The following ULK1 variants were observed in gnomAD, a reference collection of about 807,000 sequenced individuals.
The protein encoded by ULK1 is unc-51 like autophagy activating kinase 1, also known as serine/threonine-protein kinase ULK1.
A neutral mutation model predicts 117.5 loss-of-function variants in ULK1; 48 were observed. The ratio of observed to expected loss-of-function variants is 0.41; its 90% CI spans 0.32 to 0.52. The LOEUF (loss-of-function observed/expected upper bound fraction) is 0.52, where lower values mean the gene tolerates loss of function less well. ULK1 is among the 20% of genes least tolerant of loss of function. The pLI is 0.29. For missense variants in ULK1, 1,387 were observed against 1,473.4 expected, an observed-to-expected ratio of 0.94 and a Z score of 0.96; for synonymous variants, 790 against 637.8, an observed-to-expected ratio of 1.24 and a Z score of -3.60.
chr12:131,901,907 G>A (rs923162118), intron 3 of ULK1, among the ~76,000 whole-genome samples: 4 of 152,130 alleles, frequency 2.6e-5, no homozygotes, highest in Non-Finnish European at 5.9e-5. Context: ...AACTCGCACT[G>A]GGGTTGTTTC....
In ULK1 at chr12:131,915,021, G is replaced by C. The variant is rs1448677430; in HGVS notation, c.1374-62G>C. The C allele has an allele frequency of 2.7e-6, 4 of 1,505,460 alleles. No homozygotes were observed. The African/African-American group carries it at 5.7e-5, about 21-fold the overall frequency. The allele number at this position is 1,505,460 out of a possible 1,614,324, so 93.3% of individuals were successfully genotyped here. A position where few individuals can be genotyped will look rare whatever the true frequency, so the allele number is the denominator to read the frequency against. ...TACCTGCCTTGTCCCCAGGTCCTCT[G>C]CCGTCCACAGGTCAGGCAGGGCTGC... On this transcript the variant is annotated intron_variant, in intron 16 of 27. Transcript: ENST00000321867.
intron 4 of ULK1, 55 bp from the exon 5 acceptor site, chr12:131,907,440 T>C (rs937494355): frequency 4.4e-6 from 7 of 1,598,982 alleles, no homozygotes; most frequent in East Asian, 4.5e-5. Context: ...TGGGCAGGGC[T>C]GGGAGGTGGG....
At chr12:131,920,889 C>T (rs1346457679) in intron 26 of ULK1, 8 of 661,362 alleles carry the variant, frequency 1.2e-5, no homozygotes, top group Non-Finnish European at 2.0e-5. Flanking sequence ...GCTGAGAGCG[C>T]TGGCCAGGGT....
At chr12:131,914,988 C>T in intron 16 of ULK1, 95 bp from the exon 17 acceptor site, 18 of 1,478,798 alleles carry the variant, frequency 1.2e-5, no homozygotes, top group Non-Finnish European at 1.6e-5. Flanking sequence ...TGGGGCCTCC[C>T]CTCCTAATAC....
rs1890121001 is a variant in ULK1, at chr12:131,920,863, G to A, written c.2962-237G>A. On this transcript the variant is annotated intron_variant, in intron 26 of 27. Coordinates refer to ENST00000321867, the MANE Select transcript of ULK1 (RefSeq NM_003565.4). ...ACACTGACTGAGCGGCGGGCACTCT[G>A]TTGTCCTGGGGCCGGGCTGAGAGCG... is the stretch of plus-strand genomic sequence containing the variant. The A allele has an allele frequency of 7.1e-6, 4 of 565,390 alleles. No individual in the cohort carries two copies. The South Asian group carries it at 1.1e-4, about 16-fold the overall frequency. The allele number at this position is 565,390 out of a possible 1,614,324, so 35.0% of individuals were successfully genotyped here. A position where few individuals can be genotyped will look rare whatever the true frequency, so the allele number is the denominator to read the frequency against.
Position 131,903,089 on chromosome 12 carries a change from A to AGGTGAGTCGCTAG in ULK1, c.247-3803_247-3802insGGTGAGTCGCTAG, listed in dbSNP as rs1889148403. 6.6e-6 allele frequency among the ~76,000 whole-genome samples: 1 copy of AGGTGAGTCGCTAG among 152,080 alleles called. No homozygotes were observed. The highest frequency in any genetic ancestry group is 1.5e-5 in the Non-Finnish European group (1 of 67,986). On this transcript the variant is annotated intron_variant, in intron 3 of 27. Transcript: ENST00000321867. The surrounding 1 kb of genome is among the most constrained non-coding windows in gnomAD (Gnocchi z 6.0). ...GCTGTGCTCTCACCTGACCCCCCTC[A>AGGTGAGTCGCTAG]AGAGCCCTAGAGAGAGTCGCTGCCT...
In ULK1 at chr12:131,910,013, C is replaced by T. The variant is rs370392280; in HGVS notation, c.808+12C>T. The T allele has an allele frequency of 3.1e-6, 5 of 1,610,994 alleles. No homozygotes were observed. In the African/African-American group the frequency reaches 4.0e-5, roughly 13 times the overall value. On this transcript the variant is annotated intron_variant, in intron 10 of 27. Transcript: ENST00000321867. ...CCGCATGGACTTCGGTGAGCACCCA[C>T]CAGGGGCGCAGCTGGAGTCCCCCAC... is the stretch of plus-strand genomic sequence containing the variant.
Position 131,910,169 on chromosome 12 carries a change from G to T in ULK1, c.809-85G>T, listed in dbSNP as rs1013504285. ...CTCCGCCCGGGCAGGTGCCCAACGC[G>T]GCTGGAGCTCAGGCCGTGGGGAGGC... On this transcript the variant is annotated intron_variant, in intron 10 of 27. Coordinates refer to ENST00000321867, the MANE Select transcript of ULK1 (RefSeq NM_003565.4). 3.9e-5 allele frequency: 62 copies of T among 1,591,136 alleles called. 2 individuals are homozygous for T. The South Asian group carries it at 6.6e-4, about 17-fold the overall frequency.
At position 131,909,251 on chromosome 12, in the gene ULK1, G is replaced by A; in HGVS notation, c.666+14G>A. 1 of 1,569,578 alleles carries A rather than the reference G, an allele frequency of 6.4e-7. No individual in the cohort carries two copies. The highest frequency in any genetic ancestry group is 1.4e-5 in the African/African-American group (1 of 73,804). ...GCGCCCTTCCAGGTAACTGGGCTTG[G>A]CCCTGCTCCCCACGCCGCACCGTCA... is the stretch of plus-strand genomic sequence containing the variant. On this transcript the variant is annotated intron_variant, in intron 8 of 27. Coordinates refer to ENST00000321867, the MANE Select transcript of ULK1 (RefSeq NM_003565.4).
Position 131,908,824 on chromosome 12 carries a change from C to CCG in ULK1, c.490+10_490+11dup, listed in dbSNP as rs772451739. 6 of 1,606,230 alleles carry CCG rather than the reference C, an allele frequency of 3.7e-6. 1 individual carries two copies. The highest frequency in any genetic ancestry group is 1.7e-4 in the Middle Eastern group (1 of 6,036). On this transcript the variant is annotated splice_region_variant and intron_variant, in intron 6 of 27. Transcript: ENST00000321867. ...AGCATCCGCGTCAAGATCGGTCAGC[C>CCG]CGCGGGCAGGCAGGCGGGCCCGGCG...
At chr12:131,904,601 C>T (rs1466212901) in intron 3 of ULK1, among the ~76,000 whole-genome samples, 1 of 152,178 alleles carries the variant, frequency 6.6e-6, no homozygotes, top group Admixed American at 6.5e-5. Flanking sequence ...GGGTGCTGGG[C>T]TCCTGCTCTG....
At chr12:131,906,721 C>T in intron 3 of ULK1, 171 bp from the exon 4 acceptor site, 1 of 757,896 alleles carries the variant, frequency 1.3e-6, no homozygotes, top group Non-Finnish European at 2.2e-6. Flanking sequence ...ACAGAACACA[C>T]CCACCTACAA....
chr12:131,916,690 C>A, intron 20 of ULK1, 99 bp downstream of exon 20: 1 of 1,359,904 alleles, frequency 7.4e-7, no homozygotes, highest in Non-Finnish European at 9.7e-7. Context: ...ACAGGAAAAG[C>A]CCAGCCTTGC....
At position 131,908,792 on chromosome 12, in the gene ULK1, C is replaced by T. The variant is rs760014534; in HGVS notation, c.465C>T (p.Asn155=). The change falls in exon 6 of 28, where the codon AAC becomes AAT. Residue 155 remains asparagine, a synonymous_variant. Coordinates refer to ENST00000321867, the MANE Select transcript of ULK1 (RefSeq NM_003565.4). Reference sequence around the variant, plus strand: ...CCAACCCCGCCGGCCGCCGCGCCAACCCCAACAGCATCCGCGTCAAGATCG... The same window carrying T: ...CCAACCCCGCCGGCCGCCGCGCCAATCCCAACAGCATCCGCGTCAAGATCG... ...LLSNPAGRRA[N]PNSIRVKIAD... 6.3e-5 allele frequency: 101 copies of T among 1,607,562 alleles called. No homozygotes were observed. The highest frequency in any genetic ancestry group is 7.5e-5 in the Non-Finnish European group (88 of 1,177,780).
chr12:131,904,146 C>T (rs1342401323), intron 3 of ULK1, among the ~76,000 whole-genome samples: 1 of 151,974 alleles, frequency 6.6e-6, no homozygotes, highest in African/African-American at 2.4e-5. Flanking sequence ...CCCTGGTGGG[C>T]CTCTGCCTTT....
At chr12:131,905,385 G>T (rs1184850623) in intron 3 of ULK1, among the ~76,000 whole-genome samples, 3 of 152,144 alleles carry the variant, frequency 2.0e-5, no homozygotes, top group Non-Finnish European at 2.9e-5. Context: ...GGGCTGAGCA[G>T]GGGTCCTGTG....
In ULK1 at chr12:131,910,812, C is replaced by T; in HGVS notation, c.948+12C>T. 6.2e-7 allele frequency: 1 copy of T among 1,612,092 alleles called. No individual in the cohort carries two copies. Among genetic ancestry groups the T allele is most frequent in the Non-Finnish European group, 8.5e-7 (1 of 1,179,658 alleles). On this transcript the variant is annotated intron_variant, in intron 12 of 27. Coordinates refer to ENST00000321867, the MANE Select transcript of ULK1 (RefSeq NM_003565.4). ...TGGCCTCCCCGCCGGTGAGTTGCCG[C>T]CCCAGGGGCTTGGCAGCTTCTCCCT...
intron 23 of ULK1, 107 bp from the exon 24 acceptor site, chr12:131,919,105 A>T: frequency 7.6e-7 from 1 of 1,309,896 alleles, no homozygotes; most frequent in Non-Finnish European, 1.0e-6. Context: ...GCAGCAGGGG[A>T]GGGTACCCTG....
At position 131,909,779 on chromosome 12, in the gene ULK1, G is replaced by C; in HGVS notation, c.671G>C (p.Ser224Thr). ...CLTGKAPFQA[S>T]SPQDLRLFYE... Reference sequence around the variant, plus strand: ...AGGCTGTCCCCGTCCCCGCAGGCCAGCAGCCCCCAGGACCTGCGCCTGTTC... The same window carrying C: ...AGGCTGTCCCCGTCCCCGCAGGCCACCAGCCCCCAGGACCTGCGCCTGTTC... The change falls in exon 9 of 28, where the codon AGC (serine) becomes ACC (threonine). Residue 224 changes from serine to threonine, a missense_variant. Coordinates refer to ENST00000321867, the MANE Select transcript of ULK1 (RefSeq NM_003565.4). 1.2e-6 allele frequency: 2 copies of C among 1,606,720 alleles called. 1 individual carries two copies. The highest frequency in any genetic ancestry group is 2.2e-5 in the South Asian group (2 of 90,294).
Sources: gnomAD v4.1 joint callset for allele counts (sites outside exome capture counted in the v4.1 genomes callset) on GRCh38, gnomAD v4.1.1 for gene constraint, Gnocchi (gnomAD v3.1) non-coding constraint, MANE v1.5 for transcripts, NCBI Gene and HGNC (gene_info 2026-07-23, HGNC 2026-07-21) for gene names.